ECPAS: variants seen among roughly 807,000 people sequenced by gnomAD.
ECPAS encodes the protein Ecm29 proteasome adaptor and scaffold.
Under a neutral mutation model 255.1 loss-of-function variants are expected in ECPAS, and 70 were observed. The ratio of observed to expected loss-of-function variants is 0.27; its 90% confidence interval spans 0.23 to 0.33. ECPAS has a LOEUF of 0.33. Ranked by LOEUF, ECPAS falls within the 10% of genes least tolerant of loss-of-function variation. The probability of loss-of-function intolerance (pLI) is 1.00; values close to 1 mark genes in which losing one functional copy is unlikely to be tolerated. For synonymous variants in ECPAS, 784 were observed against 775.0 expected, an observed-to-expected ratio of 1.01 and a Z score of -0.19; for missense variants, 1,817 against 2,206.4, an observed-to-expected ratio of 0.82 and a Z score of 3.54.
At position 111,384,504 on chromosome 9, in the gene ECPAS, G is replaced by A; in HGVS notation, c.3681+18C>T. On this transcript the variant is annotated intron_variant, in intron 34 of 49. Transcript: ENST00000684092. Reference sequence around the variant, plus strand: ...AACCCTGCTCCACTCCATTCCCAATGTAAGACGGGGTTTTCACCTTGCTCA... The same window carrying A: ...AACCCTGCTCCACTCCATTCCCAATATAAGACGGGGTTTTCACCTTGCTCA... 1 of 1,610,852 alleles carries A rather than the reference G, an allele frequency of 6.2e-7. No individual in the cohort carries two copies. Among genetic ancestry groups the A allele is most frequent in the Non-Finnish European group, 8.5e-7 (1 of 1,177,120 alleles).
intron 25 of ECPAS, among the ~76,000 whole-genome samples, chr9:111,396,624 C>T (rs1225403477): frequency 1.3e-5 from 2 of 152,152 alleles, no homozygotes; most frequent in Non-Finnish European, 2.9e-5. Context: ...AATCTCAGCT[C>T]ACTTGCAACC....
intron 10 of ECPAS, among the ~76,000 whole-genome samples, chr9:111,426,712 A>T (rs1160050545): frequency 7.2e-6 from 1 of 139,180 alleles, no homozygotes; most frequent in African/African-American, 2.7e-5. Flanking sequence ...AAAAAAAAAA[A>T]TCCCAGCACT....
chr9:111,474,019 T>G (rs1251732160), intron 1 of ECPAS, among the ~76,000 whole-genome samples: 1 of 152,196 alleles, frequency 6.6e-6, no homozygotes, highest in Non-Finnish European at 1.5e-5. Context: ...TATCTCATTT[T>G]ACAGATGAGA....
intron 2 of ECPAS, among the ~76,000 whole-genome samples, chr9:111,459,760 G>A (rs930585385): frequency 6.6e-6 from 1 of 152,036 alleles, no homozygotes; most frequent in African/African-American, 2.4e-5. Flanking sequence ...TATAAATTCT[G>A]CTTTAAAAAA....
chr9:111,444,642 G>A, intron 3 of ECPAS, 148 bp from the exon 4 acceptor site: 1 of 617,996 alleles, frequency 1.6e-6, no homozygotes, highest in East Asian at 2.8e-5. Context: ...CCCAGAAAGG[G>A]AGTATACACT....
chr9:111,417,612 T>C (rs2098206012), intron 17 of ECPAS, among the ~76,000 whole-genome samples: 1 of 152,078 alleles, frequency 6.6e-6, no homozygotes, highest in Admixed American at 6.5e-5. Context: ...CCGGGCTTGG[T>C]GGCAGGCGCC....
intron 17 of ECPAS, among the ~76,000 whole-genome samples, chr9:111,416,768 C>T (rs1475025362): frequency 2.6e-5 from 4 of 152,148 alleles, no homozygotes; most frequent in Non-Finnish European, 4.4e-5. Context: ...CCTTAAGGTG[C>T]CTACCTAGCA....
intron 43 of ECPAS, among the ~76,000 whole-genome samples, chr9:111,371,269 T>C (rs577697949): frequency 6.6e-6 from 1 of 152,330 alleles, no homozygotes; most frequent in Admixed American, 6.5e-5. Flanking sequence ...CTTGCTACTC[T>C]ATTTCACATA....
chr9:111,466,582 G>GA lies in ECPAS; in HGVS notation c.22+6314dup, dbSNP rs910771311. On this transcript the variant is annotated intron_variant, in intron 2 of 49. Transcript: ENST00000684092. ...GTTAACTATGACATTCTTGTAGGAG[G>GA]AAAAAAAATCTACTAAAAATATAAA... 3.3e-5 allele frequency among the ~76,000 whole-genome samples: 5 copies of GA among 149,288 alleles called. No homozygotes were observed. The South Asian group carries it at 6.4e-4, about 19-fold the overall frequency.
Position 111,430,592 on chromosome 9 carries a change from C to G in ECPAS, c.885G>C (p.Lys295Asn). 1 of 1,599,686 alleles carries G rather than the reference C, an allele frequency of 6.3e-7. No homozygotes were observed. Among genetic ancestry groups the G allele is most frequent in the Non-Finnish European group, 8.5e-7 (1 of 1,171,882 alleles). The change falls in exon 9 of 50, where the codon AAG becomes AAC. Residue 295 changes from lysine to asparagine, a missense_variant. Lys to Asn is a moderately conservative substitution (Grantham distance 94). Around this residue, in one of 4 missense-constraint regions of ECPAS, gnomAD observed 573 missense variants for 716.2 expected, o/e 0.80. Coordinates refer to ENST00000684092, the MANE Select transcript of ECPAS (RefSeq NM_001364929.1). ...TATCTCCAAGGTACACCTTGTACAT[C>G]TTATTAATGATGGCAGGATTATTCC... The part of the protein sequence containing the change: ...IDWNNPAIIN[K>N]MYKVYLGDIP...
intron 16 of ECPAS, 150 bp from the exon 17 acceptor site, chr9:111,418,156 A>C (rs1375707265): frequency 1.5e-6 from 1 of 680,478 alleles, no homozygotes; most frequent in African/African-American, 1.9e-5. Context: ...GAGTCAACAT[A>C]ACACATTATA....
At chr9:111,392,246 CA>C (rs1250299504) in intron 28 of ECPAS, among the ~76,000 whole-genome samples, 1 of 152,028 alleles carries the variant, frequency 6.6e-6, no homozygotes, top group Non-Finnish European at 1.5e-5. Context: ...ACAACAACAA[CA>C]AAAAACAGCC....
intron 2 of ECPAS, among the ~76,000 whole-genome samples, chr9:111,454,190 A>T (rs1454405852): frequency 1.3e-5 from 2 of 152,058 alleles, no homozygotes; most frequent in African/African-American, 2.4e-5. Flanking sequence ...AGAAACTACA[A>T]ATCTGAGCTA....
intron 9 of ECPAS, among the ~76,000 whole-genome samples, chr9:111,430,225 T>C (rs1318288996): frequency 1.3e-5 from 2 of 152,224 alleles, no homozygotes; most frequent in East Asian, 3.8e-4. Context: ...TTGCCTATAG[T>C]TGCTTTCATG....
Position 111,484,114 on chromosome 9 carries a change from A to G in ECPAS, c.-83+2T>C. On this transcript the variant is annotated splice_donor_variant, in intron 1 of 49. Transcript: ENST00000684092. LOFTEE classifies it low-confidence loss of function (5UTR_SPLICE). ...CCCGCGGCCCGGGGGCGGGCCTCTG[A>G]CCTGAGTCGGAGCCGGTCTCCATGC... 7.0e-7 allele frequency: 1 copy of G among 1,438,412 alleles called. No individual in the cohort carries two copies. Among genetic ancestry groups the G allele is most frequent in the East Asian group, 3.2e-5 (1 of 31,664 alleles). The allele number at this position is 1,438,412 out of a possible 1,614,324, so 89.1% of individuals were successfully genotyped here. A position where few individuals can be genotyped will look rare whatever the true frequency, so the allele number is the denominator to read the frequency against.
intron 9 of ECPAS, among the ~76,000 whole-genome samples, chr9:111,429,481 AC>A (rs2098226670): frequency 6.6e-6 from 1 of 152,176 alleles, no homozygotes; most frequent in Non-Finnish European, 1.5e-5. Flanking sequence ...CACTGTGAGA[AC>A]CACTAATCTA....
intron 1 of ECPAS, among the ~76,000 whole-genome samples, chr9:111,482,398 A>G (rs972978924): frequency 3.9e-5 from 6 of 152,242 alleles, no homozygotes; most frequent in African/African-American, 1.4e-4. Flanking sequence ...ATTCCTACCT[A>G]TCTGCCTCAC....
chr9:111,457,434 T>C (rs2098268272), intron 2 of ECPAS, among the ~76,000 whole-genome samples: 1 of 152,112 alleles, frequency 6.6e-6, no homozygotes, highest in Non-Finnish European at 1.5e-5. Flanking sequence ...GAGATTAGGA[T>C]TCAGCACAAG....
rs751379877 is a variant in ECPAS at position 111,366,545 on chromosome 9, T to C, written c.5196A>G (p.Gln1732=). Residue 1732 remains glutamine (Q), a synonymous_variant, in exon 47 of 50, where the codon CAA becomes CAG. Coordinates refer to ENST00000684092, the MANE Select transcript of ECPAS (RefSeq NM_001364929.1). ...STWKVQLGVL[Q]SMNAFFQGLM... ...ACCCCTGAAAAAAGGCATTCATTGA[T>C]TGCAGGACTCCTAGCTGCACTTTCC... 66 of 1,612,890 alleles carry C rather than the reference T, an allele frequency of 4.1e-5. No individual in the cohort carries two copies. The highest frequency in any genetic ancestry group is 5.1e-5 in the Non-Finnish European group (60 of 1,179,234).
Sources: gnomAD v4.1 joint callset for allele counts (sites outside exome capture counted in the v4.1 genomes callset) on GRCh38, gnomAD v4.1.1 for gene constraint, gnomAD v4.1.1 regional missense constraint, MANE v1.5 for transcripts, NCBI Gene and HGNC (gene_info 2026-07-23, HGNC 2026-07-21) for gene names.